NRCAM: variants seen among roughly 807,000 people sequenced by gnomAD.
NRCAM encodes NgCAM-related cell adhesion molecule.
NRCAM carries 83 observed loss-of-function variants against 156.5 expected under a neutral mutation model. The ratio of observed to expected loss-of-function variants is 0.53; its 90% confidence interval spans 0.44 to 0.64. The LOEUF (loss-of-function observed/expected upper bound fraction) is 0.64. Among genes scored for constraint, NRCAM ranks in the 30% least tolerant of loss-of-function variants. The probability of loss-of-function intolerance (pLI) is 0.00; values close to 1 mark genes in which losing one functional copy is unlikely to be tolerated. For missense variants in NRCAM, 1,417 were observed against 1,597.3 expected, an observed-to-expected ratio of 0.89 and a Z score of 1.92; for synonymous variants, 538 against 563.9, an observed-to-expected ratio of 0.95 and a Z score of 0.65.
chr7:108,455,596 T>C lies in NRCAM; in HGVS notation c.-332+647A>G, dbSNP rs1333305998. Among the ~76,000 whole-genome samples, 3 of 152,112 alleles carry C rather than the reference T, an allele frequency of 2.0e-5. No individual in the cohort carries two copies. In the East Asian group the frequency reaches 5.8e-4, roughly 30 times the overall value. On this transcript the variant is annotated intron_variant, in intron 1 of 32. Transcript: ENST00000379028. Reference sequence around the variant, plus strand: ...CACCCCTCTGTCCTCCGTGTCTCTCTCGTTCCGCCTCGATTCCCCGAGCCC... The same window carrying C: ...CACCCCTCTGTCCTCCGTGTCTCTCCCGTTCCGCCTCGATTCCCCGAGCCC...
chr7:108,374,348 C>T (rs1031053704), intron 2 of NRCAM, among the ~76,000 whole-genome samples: 1 of 152,002 alleles, frequency 6.6e-6, no homozygotes, highest in African/African-American at 2.4e-5. Context: ...AAATGTGTTA[C>T]GAATAGTTTG....
chr7:108,446,603 C>A (rs889665775), intron 1 of NRCAM, among the ~76,000 whole-genome samples: 2 of 152,176 alleles, frequency 1.3e-5, no homozygotes, highest in Admixed American at 6.5e-5. Context: ...TAAGCAAGGG[C>A]CCCCAATGCC....
chr7:108,432,891 A>G (rs534254706), intron 1 of NRCAM, among the ~76,000 whole-genome samples: 1 of 151,924 alleles, frequency 6.6e-6, no homozygotes, highest in Admixed American at 6.6e-5. Flanking sequence ...AGACTCTGAA[A>G]AAAGAAAGAG....
intron 3 of NRCAM, among the ~76,000 whole-genome samples, chr7:108,303,505 G>T (rs1192446702): frequency 6.6e-6 from 1 of 152,106 alleles, no homozygotes; most frequent in Non-Finnish European, 1.5e-5. Flanking sequence ...ACATATAGCT[G>T]CTGGGGTGTC....
At chr7:108,329,523 A>C (rs1383689650) in intron 2 of NRCAM, among the ~76,000 whole-genome samples, 1 of 152,182 alleles carries the variant, frequency 6.6e-6, no homozygotes, top group African/African-American at 2.4e-5. Context: ...CAAGTTTTGA[A>C]AGTGTCCATT....
intron 11 of NRCAM, among the ~76,000 whole-genome samples, chr7:108,216,741 G>A (rs928397653): frequency 1.3e-5 from 2 of 152,066 alleles, no homozygotes; most frequent in African/African-American, 2.4e-5. Flanking sequence ...CGAAGTTCTC[G>A]TGCTGTGTTT....
chr7:108,435,256 C>G (rs911473558), intron 1 of NRCAM, among the ~76,000 whole-genome samples: 1 of 152,010 alleles, frequency 6.6e-6, no homozygotes, highest in Non-Finnish European at 1.5e-5. Flanking sequence ...AGATCGATAC[C>G]TGAAATGAAA....
Position 108,234,671 on chromosome 7 carries a change from T to C in NRCAM, c.142A>G (p.Ile48Val), listed in dbSNP as rs760173546. The change falls in exon 6 of 33, where the codon ATC becomes GTC. Residue 48 changes from isoleucine (I) to valine (V), a missense_variant. Ile to Val is a conservative substitution (Grantham distance 29, BLOSUM62 3). Coordinates refer to ENST00000379028, the MANE Select transcript of NRCAM (RefSeq NM_001037132.4). ...TAATCTTTTGGAGACTGTTGGGTGA[T>C]GGTTGGAGGCTGTACCACTTAATTG... ...LLEDLVQPPTITQQSPKDYII... is the reference protein window; with the variant it reads ...LLEDLVQPPTVTQQSPKDYII... 2 of 1,609,490 alleles carry C rather than the reference T, an allele frequency of 1.2e-6. No homozygotes were observed. The highest frequency in any genetic ancestry group is 1.1e-5 in the South Asian group (1 of 90,890).
rs142178032 is a variant in NRCAM, at chr7:108,288,811, A to G, written c.-107+23854T>C. Among the ~76,000 whole-genome samples, 521 of 152,192 alleles carry G rather than the reference A, an allele frequency of 3.4e-3. 2 individuals are homozygous for G. The highest frequency in any genetic ancestry group is 5.2e-3 in the Non-Finnish European group (351 of 67,964). ...GTAACTAACCATATAGACCATCACT[A>G]CTGAATTTGTTTGTGATTTTTATTT... On this transcript the variant is annotated intron_variant, in intron 3 of 32. Transcript: ENST00000379028.
At chr7:108,330,310 G>A (rs953975801) in intron 2 of NRCAM, among the ~76,000 whole-genome samples, 2 of 152,146 alleles carry the variant, frequency 1.3e-5, no homozygotes, top group African/African-American at 4.8e-5. Flanking sequence ...CAAGAACAGT[G>A]GAAGGACTAC....
At chr7:108,155,729 T>G (rs371609280) in intron 32 of NRCAM, among the ~76,000 whole-genome samples, 4 of 152,116 alleles carry the variant, frequency 2.6e-5, no homozygotes, top group African/African-American at 9.7e-5. Flanking sequence ...CAGTAGGCAC[T>G]CATAAATACT....
intron 2 of NRCAM, among the ~76,000 whole-genome samples, chr7:108,359,417 C>T (rs758734813): frequency 6.6e-6 from 1 of 152,148 alleles, no homozygotes; most frequent in Non-Finnish European, 1.5e-5. Context: ...AGGGTGACCT[C>T]TGATATGATA....
chr7:108,223,915 C>G (rs2092913034), intron 10 of NRCAM, 79 bp from the exon 11 acceptor site: 4 of 738,940 alleles, frequency 5.4e-6, no homozygotes, highest in South Asian at 4.8e-5. Flanking sequence ...AAAAAGCTGT[C>G]TAAAATTCCA....
intron 1 of NRCAM, among the ~76,000 whole-genome samples, chr7:108,438,010 T>A (rs1834204762): frequency 6.8e-6 from 1 of 146,130 alleles, no homozygotes; most frequent in Non-Finnish European, 1.5e-5. Context: ...ACATGGAAAA[T>A]CCAAATAGGC....
chr7:108,384,684 A>C (rs2099732904), intron 2 of NRCAM, among the ~76,000 whole-genome samples: 1 of 152,234 alleles, frequency 6.6e-6, no homozygotes, highest in South Asian at 2.1e-4. Context: ...CTGTTAAAAC[A>C]CATGCTCTGA....
At chr7:108,209,730 T>C in intron 11 of NRCAM, 125 bp from the exon 12 acceptor site, 1 of 680,984 alleles carries the variant, frequency 1.5e-6, no homozygotes. Flanking sequence ...TACATAGATA[T>C]TTTAATTAGC....
chr7:108,319,051 A>C (rs1392646636), intron 2 of NRCAM, among the ~76,000 whole-genome samples: 2 of 152,238 alleles, frequency 1.3e-5, no homozygotes. Context: ...ACATTTTCTA[A>C]GATGGATATG....
chr7:108,223,708 A>G lies in NRCAM; in HGVS notation c.890+17T>C, dbSNP rs752362551. 2.4e-6 allele frequency: 3 copies of G among 1,239,716 alleles called. No homozygotes were observed. The highest frequency in any genetic ancestry group is 3.4e-5 in the Admixed American group (2 of 58,360). The allele number at this position is 1,239,716 out of a possible 1,614,324, so 76.8% of individuals were successfully genotyped here. A position where few individuals can be genotyped will look rare whatever the true frequency, so the allele number is the denominator to read the frequency against. On this transcript the variant is annotated intron_variant, in intron 11 of 32. Coordinates refer to ENST00000379028, the MANE Select transcript of NRCAM (RefSeq NM_001037132.4). ...TTTTATAAGAAATGTACTTCAGGACAGAAAGTGTTAACTCACAGTCCTTCT... is the reference window on the plus strand; with the variant it reads ...TTTTATAAGAAATGTACTTCAGGACGGAAAGTGTTAACTCACAGTCCTTCT...
rs1584894496 is a variant in NRCAM at position 108,150,101 on chromosome 7, A to AAGG, written c.3721_3723dup (p.Pro1241dup). 5.0e-6 allele frequency: 8 copies of AAGG among 1,613,138 alleles called. No individual in the cohort carries two copies. The highest frequency in any genetic ancestry group is 1.3e-5 in the African/African-American group (1 of 74,976). ...TCTTCTTTTTTCACAGTCCTGTCTG[A>AAGG]AGGAGTTCGACTTCCTTTTTTCAAA... On this transcript the variant is annotated inframe_insertion, in exon 33 of 33. Transcript: ENST00000379028.
Sources: gnomAD v4.1 joint callset for allele counts (sites outside exome capture counted in the v4.1 genomes callset) on GRCh38, gnomAD v4.1.1 for gene constraint, MANE v1.5 for transcripts, NCBI Gene and HGNC (gene_info 2026-07-23, HGNC 2026-07-21) for gene names.